ST6GAL2: variants seen among roughly 807,000 people sequenced by gnomAD.
ST6GAL2 encodes ST6 beta-galactoside alpha-2,6-sialyltransferase 2.
A neutral mutation model predicts 37.5 loss-of-function variants in ST6GAL2; 24 were observed. The observed-to-expected ratio is 0.64, with a 90% CI of 0.46 to 0.90. The LOEUF (loss-of-function observed/expected upper bound fraction) is 0.90, where lower values mean the gene tolerates loss of function less well. Ranked by LOEUF, ST6GAL2 falls within the 40% of genes least tolerant of loss-of-function variation. ST6GAL2 has a pLI of 0.00. For synonymous variants in ST6GAL2, 306 were observed against 295.1 expected, an observed-to-expected ratio of 1.04 and a Z score of -0.38; for missense variants, 715 against 712.7, an observed-to-expected ratio of 1.00 and a Z score of -0.04.
chr2:106,875,855 C>T (rs1678481657), intron 1 of ST6GAL2, among the ~76,000 whole-genome samples: 2 of 152,192 alleles, frequency 1.3e-5, no homozygotes, highest in African/African-American at 4.8e-5. Context: ...AACAGAGATT[C>T]CTTGGGCTAA....
At chr2:106,863,005 T>TTA (rs1677872361) in intron 1 of ST6GAL2, among the ~76,000 whole-genome samples, 1 of 151,638 alleles carries the variant, frequency 6.6e-6, no homozygotes, top group Non-Finnish European at 1.5e-5. Flanking sequence ...TTTTTTCTAT[T>TTA]AGAAAAGCTA....
intron 1 of ST6GAL2, among the ~76,000 whole-genome samples, chr2:106,867,381 C>T (rs982902873): frequency 1.3e-5 from 2 of 152,044 alleles, no homozygotes; most frequent in Non-Finnish European, 2.9e-5. Context: ...ATTGTTTATC[C>T]CTCTTCCTTT....
At chr2:106,862,482 A>G (rs1677841562) in intron 1 of ST6GAL2, among the ~76,000 whole-genome samples, 1 of 152,218 alleles carries the variant, frequency 6.6e-6, no homozygotes, top group African/African-American at 2.4e-5. Flanking sequence ...ATCTATACCT[A>G]GAATTCATTT....
chr2:106,809,717 T>C (rs909054346), intron 5 of ST6GAL2, among the ~76,000 whole-genome samples: 1 of 152,226 alleles, frequency 6.6e-6, no homozygotes, highest in African/African-American at 2.4e-5. Flanking sequence ...GCGTTCCCTT[T>C]AGGTGAAAGG....
At chr2:106,822,386 A>G (rs888221628) in intron 5 of ST6GAL2, among the ~76,000 whole-genome samples, 7 of 152,192 alleles carry the variant, frequency 4.6e-5, no homozygotes, top group Non-Finnish European at 7.4e-5. Flanking sequence ...AAAGAAATCA[A>G]GAAGGTAATC....
chr2:106,831,117 T>C (rs1676405304), intron 4 of ST6GAL2, among the ~76,000 whole-genome samples: 1 of 152,168 alleles, frequency 6.6e-6, no homozygotes, highest in Non-Finnish European at 1.5e-5. Flanking sequence ...ACAGGAAATA[T>C]TCCACTAGTG....
intron 1 of ST6GAL2, among the ~76,000 whole-genome samples, chr2:106,846,838 A>G (rs927691452): frequency 6.6e-6 from 1 of 152,218 alleles, no homozygotes; most frequent in Non-Finnish European, 1.5e-5. Flanking sequence ...TGTGGTTAGC[A>G]CTTGTTCTGG....
chr2:106,813,509 C>A (rs977670630), intron 5 of ST6GAL2, among the ~76,000 whole-genome samples: 1 of 152,116 alleles, frequency 6.6e-6, no homozygotes, highest in Non-Finnish European at 1.5e-5. Context: ...CTGAGGTTTC[C>A]TTTATACATC....
chr2:106,817,919 T>C (rs1444874149), intron 5 of ST6GAL2, among the ~76,000 whole-genome samples: 2 of 151,946 alleles, frequency 1.3e-5, no homozygotes, highest in African/African-American at 4.8e-5. Flanking sequence ...TAAATGTACA[T>C]TGGTGGAAGC....
At chr2:106,867,719 G>A (rs932647032) in intron 1 of ST6GAL2, among the ~76,000 whole-genome samples, 2 of 151,132 alleles carry the variant, frequency 1.3e-5, no homozygotes, top group African/African-American at 4.9e-5. Context: ...GACCCCCGCC[G>A]CCAAAATGAG....
chr2:106,816,789 C>T lies in ST6GAL2; in HGVS notation c.1319-9840G>A, dbSNP rs374179891. ...AAAAACCAGGCGAGTGATCACAGTA[C>T]CTGGTTTTAATTTTCTATCACTGAA... On this transcript the variant is annotated intron_variant, in intron 5 of 5. Transcript: ENST00000409382. 5.3e-5 allele frequency among the ~76,000 whole-genome samples: 8 copies of T among 152,210 alleles called. No individual in the cohort carries two copies. In the South Asian group the frequency reaches 8.3e-4, roughly 16 times the overall value.
chr2:106,867,899 C>T (rs957232564), intron 1 of ST6GAL2, among the ~76,000 whole-genome samples: 1 of 152,078 alleles, frequency 6.6e-6, no homozygotes, highest in Admixed American at 6.6e-5. Flanking sequence ...ACCTCTCCCT[C>T]CCCCCACAAA....
At chr2:106,871,608 T>C (rs1041997843) in intron 1 of ST6GAL2, among the ~76,000 whole-genome samples, 15 of 152,232 alleles carry the variant, frequency 9.9e-5, no homozygotes, top group Non-Finnish European at 1.8e-4. Context: ...GCTTAAATTA[T>C]TTTATTTTTC....
chr2:106,827,710 C>CAGG (rs1342950887), intron 5 of ST6GAL2, among the ~76,000 whole-genome samples: 1 of 152,182 alleles, frequency 6.6e-6, no homozygotes. Flanking sequence ...TGGCAGCCAT[C>CAGG]AGGAGCACAC....
chr2:106,879,743 T>C (rs1678665633), intron 1 of ST6GAL2, among the ~76,000 whole-genome samples: 1 of 147,562 alleles, frequency 6.8e-6, no homozygotes, highest in Non-Finnish European at 1.5e-5. Context: ...CAATTATATA[T>C]TATTATATAT....
At chr2:106,809,451 C>T (rs1558673304) in intron 5 of ST6GAL2, among the ~76,000 whole-genome samples, 1 of 152,196 alleles carries the variant, frequency 6.6e-6, no homozygotes, top group Non-Finnish European at 1.5e-5. Flanking sequence ...GGACTGGAGT[C>T]AGTTGTGTTG....
chr2:106,860,883 A>T (rs1443811995), intron 1 of ST6GAL2, among the ~76,000 whole-genome samples: 2 of 152,152 alleles, frequency 1.3e-5, no homozygotes, highest in African/African-American at 4.8e-5. Context: ...TTTGTGTTGC[A>T]TGGAACTAGA....
chr2:106,876,791 T>C (rs1041354982), intron 1 of ST6GAL2, among the ~76,000 whole-genome samples: 2 of 152,190 alleles, frequency 1.3e-5, no homozygotes, highest in African/African-American at 4.8e-5. Context: ...GGTTAAGGTA[T>C]ACAGCTGAAG....
At position 106,834,040 on chromosome 2, in the gene ST6GAL2, C is replaced by T. The variant is rs767411310; in HGVS notation, c.1041+9G>A. 22 of 1,598,872 alleles carry T rather than the reference C, an allele frequency of 1.4e-5. No individual in the cohort carries two copies. The highest frequency in any genetic ancestry group is 1.9e-5 in the Non-Finnish European group (22 of 1,167,220). On this transcript the variant is annotated intron_variant, in intron 3 of 5. Transcript: ENST00000409382. ...ACATACATCCATGAAAACACTCCAT[C>T]TGTCTTACCTGCGAATTAATGATGC...
Sources: gnomAD v4.1 joint callset for allele counts (sites outside exome capture counted in the v4.1 genomes callset) on GRCh38, gnomAD v4.1.1 for gene constraint, MANE v1.5 for transcripts, NCBI Gene and HGNC (gene_info 2026-07-23, HGNC 2026-07-21) for gene names.